Variants in GALNTL6 observed in about 807,000 individuals in gnomAD.
GALNTL6 encodes polypeptide N-acetylgalactosaminyltransferase-like 6.
In GALNTL6, 46 loss-of-function variants were observed where a neutral mutation model predicts 73.7. That is an observed-to-expected ratio of 0.62 (90% confidence interval 0.49 to 0.80). GALNTL6 has a LOEUF of 0.80. Among genes scored for constraint, GALNTL6 ranks in the 30% least tolerant of loss-of-function variants. The pLI is 0.00. For synonymous variants in GALNTL6, 259 were observed against 263.7 expected, an observed-to-expected ratio of 0.98 and a Z score of 0.17; for missense variants, 604 against 755.0, an observed-to-expected ratio of 0.80 and a Z score of 2.34.
At chr4:172,393,001 G>T (rs111806789) in intron 5 of GALNTL6, among the ~76,000 whole-genome samples, 25 of 152,246 alleles carry the variant, frequency 1.6e-4, no homozygotes, top group African/African-American at 5.8e-4. Flanking sequence ...TCTCACTGGA[G>T]CACAAGCCCT....
chr4:172,207,021 G>T lies in GALNTL6; in HGVS notation c.139-22635G>T, dbSNP rs557932606. Among the ~76,000 whole-genome samples the T allele has an allele frequency of 5.9e-3, 885 of 151,202 alleles. 8 individuals carry two copies. Among genetic ancestry groups the T allele is most frequent in the African/African-American group, 0.016 (667 of 41,228 alleles). On this transcript the variant is annotated intron_variant, in intron 2 of 12. Transcript: ENST00000506823. ...TTTAGTAGAGGCGGGGTTTCACCAT[G>T]TTAGCCAGGATGATCTCAATCTCCT...
intron 5 of GALNTL6, among the ~76,000 whole-genome samples, chr4:172,391,314 A>C (rs939350632): frequency 6.6e-6 from 1 of 152,170 alleles, no homozygotes; most frequent in Admixed American, 6.5e-5. Flanking sequence ...AGGGATGAAC[A>C]CTGTGAGGAG....
chr4:171,967,453 T>TG (rs201757829), intron 2 of GALNTL6, among the ~76,000 whole-genome samples: 62,644 of 141,306 alleles, frequency 0.44, 16,590 homozygotes, highest in Admixed American at 0.57. Context: ...ATGGGTTTTT[T>TG]TTTTTTTTTT....
At chr4:172,416,089 C>T (rs904420629) in intron 5 of GALNTL6, among the ~76,000 whole-genome samples, 3 of 152,042 alleles carry the variant, frequency 2.0e-5, no homozygotes, top group African/African-American at 7.2e-5. Context: ...ATGAAGGTCT[C>T]GAAATGTATG....
intron 7 of GALNTL6, among the ~76,000 whole-genome samples, chr4:172,858,422 A>G (rs1744222635): frequency 6.6e-6 from 1 of 152,170 alleles, no homozygotes; most frequent in Admixed American, 6.5e-5. Flanking sequence ...TGAAGGAGTT[A>G]TTTTCAATAG....
intron 2 of GALNTL6, among the ~76,000 whole-genome samples, chr4:172,035,871 CA>C (rs1741916487): frequency 6.6e-6 from 1 of 152,092 alleles, no homozygotes; most frequent in African/African-American, 2.4e-5. Context: ...TTCTGGCACA[CA>C]TATAAAATCA....
At position 172,378,267 on chromosome 4, in the gene GALNTL6, A is replaced by T. The variant is rs370752289; in HGVS notation, c.553+29578A>T. Among the ~76,000 whole-genome samples, 89 of 152,348 alleles carry T rather than the reference A, an allele frequency of 5.8e-4. 2 individuals are homozygous for T. The South Asian group carries it at 0.018, about 31-fold the overall frequency. ...GTTCCAGAGCCTGAGTAGAATCCTC[A>T]GGAATAGACCCTGATGCTTGAAAGC... On this transcript the variant is annotated intron_variant, in intron 5 of 12. Coordinates refer to ENST00000506823, the MANE Select transcript of GALNTL6 (RefSeq NM_001034845.3).
chr4:172,139,393 C>T (rs1000210587), intron 2 of GALNTL6, among the ~76,000 whole-genome samples: 6 of 152,040 alleles, frequency 3.9e-5, no homozygotes, highest in Admixed American at 2.0e-4. Context: ...TGACAAACAC[C>T]TAGATGTTTA....
chr4:172,188,588 A>C lies in GALNTL6; in HGVS notation c.139-41068A>C, dbSNP rs1399762893. On this transcript the variant is annotated intron_variant, in intron 2 of 12. Coordinates refer to ENST00000506823, the MANE Select transcript of GALNTL6 (RefSeq NM_001034845.3). ...AACAGAAAACATAAATAAATATAAA[A>C]TGCTTGAAATGGTCTGAAGGCAAAT... Among the ~76,000 whole-genome samples, 5 of 152,328 alleles carry C rather than the reference A, an allele frequency of 3.3e-5. No homozygotes were observed. The East Asian group carries it at 9.6e-4, about 29-fold the overall frequency.
intron 2 of GALNTL6, among the ~76,000 whole-genome samples, chr4:172,091,887 T>A (rs1732215432): frequency 6.6e-6 from 1 of 152,194 alleles, no homozygotes; most frequent in South Asian, 2.1e-4. Flanking sequence ...AAAAAAGTCA[T>A]AAATATAATT....
intron 2 of GALNTL6, among the ~76,000 whole-genome samples, chr4:172,172,155 T>A (rs570542295): frequency 6.6e-6 from 1 of 152,298 alleles, no homozygotes; most frequent in South Asian, 2.1e-4. Flanking sequence ...TGGACCCTAA[T>A]TCAATATAAC....
At chr4:172,427,825 G>A (rs1731287785) in intron 5 of GALNTL6, among the ~76,000 whole-genome samples, 1 of 152,120 alleles carries the variant, frequency 6.6e-6, no homozygotes, top group South Asian at 2.1e-4. Context: ...TAAAAACAAA[G>A]ATACCATCTT....
intron 2 of GALNTL6, among the ~76,000 whole-genome samples, chr4:172,229,021 G>A (rs1319179681): frequency 6.6e-6 from 1 of 152,148 alleles, no homozygotes; most frequent in African/African-American, 2.4e-5. Flanking sequence ...GTTTTTAAGA[G>A]CACAGTTTTG....
At chr4:172,244,291 AG>A (rs34298523) in intron 3 of GALNTL6, among the ~76,000 whole-genome samples, 2,174 of 152,288 alleles carry the variant, frequency 0.014, 56 homozygotes, top group African/African-American at 0.05. Context: ...AACACAACTT[AG>A]GCTGAGACTA....
chr4:172,049,343 G>GA (rs1486833600), intron 2 of GALNTL6, among the ~76,000 whole-genome samples: 8 of 152,056 alleles, frequency 5.3e-5, no homozygotes, highest in Non-Finnish European at 1.0e-4. Context: ...TGAACAAAAA[G>GA]AAACAGTAGA....
intron 5 of GALNTL6, among the ~76,000 whole-genome samples, chr4:172,695,772 C>T (rs557093757): frequency 2.8e-4 from 43 of 152,148 alleles, no homozygotes; most frequent in East Asian, 3.9e-4. Flanking sequence ...ATGGTGAAAC[C>T]CTGTCTCTAC....
intron 8 of GALNTL6, among the ~76,000 whole-genome samples, chr4:172,924,478 A>G (rs1747949185): frequency 6.6e-6 from 1 of 152,218 alleles, no homozygotes; most frequent in Admixed American, 6.5e-5. Context: ...AGTATATGAA[A>G]GAGAAGCACA....
At chr4:172,971,926 G>A (rs1750600506) in intron 10 of GALNTL6, among the ~76,000 whole-genome samples, 1 of 152,118 alleles carries the variant, frequency 6.6e-6, no homozygotes, top group African/African-American at 2.4e-5. Context: ...AACTCTCTCT[G>A]CTGTATATGA....
Position 173,009,233 on chromosome 4 carries a change from CAGA to C in GALNTL6, c.1428_1430del (p.Glu477del). The C allele has an allele frequency of 6.2e-7, 1 of 1,614,072 alleles. No individual in the cohort carries two copies. Among genetic ancestry groups the C allele is most frequent in the Non-Finnish European group, 8.5e-7 (1 of 1,179,930 alleles). On this transcript the variant is annotated inframe_deletion, in exon 11 of 13. Coordinates refer to ENST00000506823, the MANE Select transcript of GALNTL6 (RefSeq NM_001034845.3). ...GACAGCAAGCATGGAGCCACCGGAACAGAGCTGAGGCTGGACATCTGTGTCAAG... is the reference window on the plus strand; with the variant it reads ...GACAGCAAGCATGGAGCCACCGGAACGCTGAGGCTGGACATCTGTGTCAAG...
Sources: allele counts gnomAD v4.1 joint callset (sites outside exome capture counted in the v4.1 genomes callset), GRCh38; gene constraint gnomAD v4.1.1; transcripts MANE v1.5; gene names NCBI Gene and HGNC (gene_info 2026-07-23, HGNC 2026-07-21).